Variants in TENT4B observed in about 807,000 individuals in gnomAD.
TENT4B encodes terminal nucleotidyltransferase 4B.
Under a neutral mutation model 75.0 loss-of-function variants are expected in TENT4B, and 10 were observed. That is an observed-to-expected ratio of 0.13 (90% CI 0.08 to 0.23). TENT4B has a LOEUF of 0.23. TENT4B is among the 10% of genes least tolerant of loss of function. TENT4B has a pLI of 1.00. For missense variants in TENT4B, 579 were observed against 893.8 expected (o/e 0.65, Z 4.49); for synonymous variants, 350 against 357.7 (o/e 0.98, Z 0.24).
At chr16:50,177,322 A>G (rs1030598509) in intron 1 of TENT4B, among the ~76,000 whole-genome samples, 1 of 152,088 alleles carries the variant, frequency 6.6e-6, no homozygotes, top group Non-Finnish European at 1.5e-5. Flanking sequence ...ATCTAATTTA[A>G]CAGTTTGGTA....
At chr16:50,226,925 C>CT (rs1375026298) in intron 10 of TENT4B, among the ~76,000 whole-genome samples, 1 of 152,184 alleles carries the variant, frequency 6.6e-6, no homozygotes, top group Non-Finnish European at 1.5e-5. Flanking sequence ...CTCTAATCTA[C>CT]TTTCTCTTTC....
At chr16:50,205,103 A>G (rs1443908656) in intron 1 of TENT4B, among the ~76,000 whole-genome samples, 1 of 152,210 alleles carries the variant, frequency 6.6e-6, no homozygotes, top group Non-Finnish European at 1.5e-5. Context: ...AAAAATATAC[A>G]GTGGTAATTA....
At chr16:50,172,716 TGA>T (rs1287957997) in intron 1 of TENT4B, among the ~76,000 whole-genome samples, 1 of 152,128 alleles carries the variant, frequency 6.6e-6, no homozygotes, top group Non-Finnish European at 1.5e-5. Context: ...GCAGTTTCTA[TGA>T]GTGTTGGCAA....
intron 11 of TENT4B, among the ~76,000 whole-genome samples, 182 bp downstream of exon 11, chr16:50,228,185 T>C (rs1295218654): frequency 2.0e-5 from 3 of 152,190 alleles, no homozygotes; most frequent in African/African-American, 7.2e-5. Flanking sequence ...TAAGGATCCT[T>C]GTGAGACACC....
chr16:50,208,561 G>C (rs962093961), intron 1 of TENT4B, among the ~76,000 whole-genome samples: 2 of 152,196 alleles, frequency 1.3e-5, no homozygotes, highest in African/African-American at 4.8e-5. Flanking sequence ...TCTGGAAGCT[G>C]CCTGTGGCAG....
At position 50,231,989 on chromosome 16, in the gene TENT4B, T is replaced by A. The variant is rs965361458; in HGVS notation, c.*2661T>A. 5 of 984,688 alleles carry A rather than the reference T, an allele frequency of 5.1e-6. No homozygotes were observed. The African/African-American group carries it at 8.7e-5, about 17-fold the overall frequency. 61.0% of individuals were successfully genotyped at this position (984,688 alleles called of 1,614,324 possible). A position where few individuals can be genotyped will look rare whatever the true frequency, so the allele number is the denominator to read the frequency against. On this transcript the variant is annotated 3_prime_UTR_variant, in exon 12 of 12. Coordinates refer to ENST00000561678, the MANE Select transcript of TENT4B (RefSeq NM_001365324.3). ...TCCATGAATCATAACCTTCCTTTGC[T>A]AATACTTGTTGAATGGGATTTTACA...
At chr16:50,170,907 TC>T (rs1247954110) in intron 1 of TENT4B, among the ~76,000 whole-genome samples, 2 of 151,906 alleles carry the variant, frequency 1.3e-5, no homozygotes, top group African/African-American at 4.8e-5. Context: ...CCTCAGGTGA[TC>T]CACCTGCCTC....
At chr16:50,183,975 A>G (rs556156113) in intron 1 of TENT4B, among the ~76,000 whole-genome samples, 5 of 152,296 alleles carry the variant, frequency 3.3e-5, no homozygotes, top group Admixed American at 2.6e-4. Context: ...GAGTTGTGCA[A>G]CCATCACCAG....
chr16:50,170,436 C>G (rs2038183983), intron 1 of TENT4B, among the ~76,000 whole-genome samples: 3 of 152,092 alleles, frequency 2.0e-5, no homozygotes. Context: ...TCCAGTGATT[C>G]CCCCAAGATA....
At chr16:50,156,050 T>G (rs1296025835) in intron 1 of TENT4B, among the ~76,000 whole-genome samples, 3 of 152,174 alleles carry the variant, frequency 2.0e-5, no homozygotes, top group African/African-American at 7.2e-5. Flanking sequence ...AAGATGTTCT[T>G]GTTCCTGATT....
intron 1 of TENT4B, among the ~76,000 whole-genome samples, chr16:50,185,200 A>G (rs1188610867): frequency 1.3e-5 from 2 of 152,230 alleles, no homozygotes; most frequent in Non-Finnish European, 1.5e-5. Flanking sequence ...AGTTACTTGC[A>G]GTAAGTAAAT....
In TENT4B at chr16:50,187,320, C is replaced by T. The variant is rs544912974; in HGVS notation, c.639-24003C>T. ...TTGAGGCTCTGGGCGCAGTGGCTCACGCCTGTAATCCCACTACTTGGGGAG... is the reference window on the plus strand; with the variant it reads ...TTGAGGCTCTGGGCGCAGTGGCTCATGCCTGTAATCCCACTACTTGGGGAG... On this transcript the variant is annotated intron_variant, in intron 1 of 11. Coordinates refer to ENST00000561678, the MANE Select transcript of TENT4B (RefSeq NM_001365324.3). Among the ~76,000 whole-genome samples, 4 of 152,212 alleles carry T rather than the reference C, an allele frequency of 2.6e-5. No homozygotes were observed. The East Asian group carries it at 5.8e-4, about 22-fold the overall frequency.
At chr16:50,171,707 G>C (rs1364022874) in intron 1 of TENT4B, among the ~76,000 whole-genome samples, 1 of 152,124 alleles carries the variant, frequency 6.6e-6, no homozygotes, top group Non-Finnish European at 1.5e-5. Context: ...ACTTATGCCT[G>C]TAAGCCTAGC....
At chr16:50,184,328 A>C (rs900754264) in intron 1 of TENT4B, among the ~76,000 whole-genome samples, 1 of 152,140 alleles carries the variant, frequency 6.6e-6, no homozygotes, top group Non-Finnish European at 1.5e-5. Context: ...TTGTTTATCT[A>C]TTCATCAGTT....
chr16:50,155,091 C>T (rs1051689696), intron 1 of TENT4B, among the ~76,000 whole-genome samples: 3 of 152,102 alleles, frequency 2.0e-5, no homozygotes, highest in Non-Finnish European at 2.9e-5. Flanking sequence ...GAATATTGCA[C>T]CACTAGTGAC....
chr16:50,184,808 T>G (rs556909569), intron 1 of TENT4B, among the ~76,000 whole-genome samples: 1 of 152,210 alleles, frequency 6.6e-6, no homozygotes, highest in East Asian at 1.9e-4. Flanking sequence ...TACTGCAGCC[T>G]CCTCCGCCCC....
chr16:50,193,790 A>G (rs1178494927), intron 1 of TENT4B, among the ~76,000 whole-genome samples: 1 of 152,162 alleles, frequency 6.6e-6, no homozygotes. Flanking sequence ...GGTGGCTGCC[A>G]TAGGAAGTGA....
intron 3 of TENT4B, among the ~76,000 whole-genome samples, chr16:50,214,577 AC>A (rs1243115264): frequency 6.6e-6 from 1 of 151,984 alleles, no homozygotes; most frequent in African/African-American, 2.4e-5. Context: ...AATTGCTTGA[AC>A]CCGGGAGGTG....
At position 50,214,283 on chromosome 16, in the gene TENT4B, A is replaced by C. The variant is rs751612673; in HGVS notation, c.809+16A>C. The C allele has an allele frequency of 6.4e-7, 1 of 1,563,506 alleles. No individual in the cohort carries two copies. The highest frequency in any genetic ancestry group is 1.8e-5 in the Admixed American group (1 of 56,632). On this transcript the variant is annotated intron_variant, in intron 3 of 11. Coordinates refer to ENST00000561678, the MANE Select transcript of TENT4B (RefSeq NM_001365324.3). ...TACCTACTAGGTTAGTACACTCATG[A>C]ATCTTTCAAAGGACTTTTCTTAGAG...
Sources: allele counts gnomAD v4.1 joint callset (sites outside exome capture counted in the v4.1 genomes callset), GRCh38; gene constraint gnomAD v4.1.1; transcripts MANE v1.5; gene names NCBI Gene and HGNC (gene_info 2026-07-23, HGNC 2026-07-21).